Variants in RBFOX2 observed in about 807,000 individuals in gnomAD.
RBFOX2 encodes the protein RNA binding fox-1 homolog 2.
A neutral mutation model predicts 49.1 loss-of-function variants in RBFOX2; 10 were observed. The observed-to-expected ratio is 0.20, with a 90% CI of 0.13 to 0.35. RBFOX2 has a LOEUF of 0.35. RBFOX2 is among the 10% of genes least tolerant of loss of function. The pLI, the probability that RBFOX2 is intolerant of heterozygous loss-of-function variation, is 1.00. For missense variants in RBFOX2, 323 were observed against 486.9 expected, an observed-to-expected ratio of 0.66 and a Z score of 3.17; for synonymous variants, 183 against 187.4, an observed-to-expected ratio of 0.98 and a Z score of 0.19.
chr22:35,828,867 C>G (rs893076435), intron 1 of RBFOX2, among the ~76,000 whole-genome samples: 1 of 152,004 alleles, frequency 6.6e-6, no homozygotes, highest in African/African-American at 2.4e-5. Context: ...CTGGCTAACA[C>G]AGCGAAACCC....
intron 2 of RBFOX2, among the ~76,000 whole-genome samples, chr22:35,795,628 C>CAA (rs139555281): frequency 0.016 from 540 of 33,558 alleles, 20 homozygotes; most frequent in East Asian, 0.065. Flanking sequence ...TGTAGAAAAG[C>CAA]AAAAAAAAAA....
chr22:35,915,526 T>G (rs1001410956), intron 1 of RBFOX2, among the ~76,000 whole-genome samples: 17 of 152,334 alleles, frequency 1.1e-4, no homozygotes, highest in African/African-American at 3.4e-4. Flanking sequence ...CTGAGTACAC[T>G]ACAGGGACTC....
chr22:35,983,847 G>C (rs769309882), intron 1 of RBFOX2, among the ~76,000 whole-genome samples: 1 of 152,078 alleles, frequency 6.6e-6, no homozygotes, highest in East Asian at 1.9e-4. Flanking sequence ...AGCTAGAGTC[G>C]ATGAATAATT....
Position 35,989,828 on chromosome 22 carries a change from G to A in RBFOX2, c.186+38412C>T, listed in dbSNP as rs191564755. On this transcript the variant is annotated intron_variant, in intron 1 of 13. Coordinates refer to the RBFOX2 transcript ENST00000438146. ...GAAGGGAAGCAAAAGGAAAGGAAAT[G>A]TAGGACAATGAGGGATGTTTAAACA... Among the ~76,000 whole-genome samples the A allele has an allele frequency of 1.8e-3, 270 of 152,204 alleles. 1 individual carries two copies. Among genetic ancestry groups the A allele is most frequent in the African/African-American group, 5.9e-3 (244 of 41,534 alleles).
intron 2 of RBFOX2, among the ~76,000 whole-genome samples, chr22:35,804,811 G>A (rs910426462): frequency 6.6e-6 from 1 of 151,946 alleles, no homozygotes; most frequent in African/African-American, 2.4e-5. Flanking sequence ...GGACCTATAG[G>A]AAGACATGAA....
At chr22:35,915,404 C>A (rs2050299529) in intron 1 of RBFOX2, among the ~76,000 whole-genome samples, 1 of 152,170 alleles carries the variant, frequency 6.6e-6, no homozygotes, top group South Asian at 2.1e-4. Flanking sequence ...TCCTCAAAAT[C>A]TTATTACCCC....
chr22:36,028,157 T>TCC (rs1355012360), intron 1 of RBFOX2, 83 bp downstream of exon 1: 2 of 1,330,968 alleles, frequency 1.5e-6, no homozygotes, highest in East Asian at 6.3e-5. Flanking sequence ...CCGGAGGCCC[T>TCC]CCCTCTCTCC....
At chr22:35,924,056 C>T (rs2051334186) in intron 1 of RBFOX2, among the ~76,000 whole-genome samples, 1 of 152,116 alleles carries the variant, frequency 6.6e-6, no homozygotes. Context: ...AACTACATAG[C>T]CTTGGACAAT....
intron 1 of RBFOX2, among the ~76,000 whole-genome samples, chr22:35,977,123 C>T (rs1242354674): frequency 1.3e-5 from 2 of 151,828 alleles, no homozygotes; most frequent in African/African-American, 4.8e-5. Flanking sequence ...CAAATTGAAG[C>T]CACGAAGAGA....
chr22:35,908,917 A>G (rs549649896), intron 1 of RBFOX2, among the ~76,000 whole-genome samples: 1 of 149,750 alleles, frequency 6.7e-6, no homozygotes, highest in Admixed American at 6.7e-5. Flanking sequence ...ATCTCAGCTC[A>G]CTGCAACCTC....
chr22:35,754,024 C>G (rs1032529890), intron 9 of RBFOX2, among the ~76,000 whole-genome samples: 4 of 151,008 alleles, frequency 2.6e-5, no homozygotes, highest in South Asian at 2.1e-4. Context: ...TTCAAGTGAT[C>G]CCCCTGCCTC....
intron 9 of RBFOX2, among the ~76,000 whole-genome samples, chr22:35,757,791 C>CTAA (rs1282539592): frequency 6.6e-6 from 1 of 152,036 alleles, no homozygotes; most frequent in African/African-American, 2.4e-5. Flanking sequence ...CTCTCAGCTG[C>CTAA]ATTTTAAGGA....
chr22:35,804,865 C>A (rs1950418727), intron 2 of RBFOX2, among the ~76,000 whole-genome samples: 2 of 151,960 alleles, frequency 1.3e-5, no homozygotes, highest in Admixed American at 6.6e-5. Context: ...TGAATCCTGT[C>A]AAGAAACTGA....
chr22:35,858,985 A>G (rs186214581), intron 1 of RBFOX2, among the ~76,000 whole-genome samples: 1 of 152,336 alleles, frequency 6.6e-6, no homozygotes, highest in East Asian at 1.9e-4. Context: ...TTAGTCAGTC[A>G]ATATTCATTC....
intron 1 of RBFOX2, among the ~76,000 whole-genome samples, chr22:35,895,413 C>A (rs534479823): frequency 6.6e-6 from 1 of 152,182 alleles, no homozygotes; most frequent in Non-Finnish European, 1.5e-5. Context: ...GAGCCCCTTG[C>A]AGAAGCCAAG....
chr22:35,763,229 T>C (rs1282466357), intron 6 of RBFOX2, among the ~76,000 whole-genome samples: 1 of 152,214 alleles, frequency 6.6e-6, no homozygotes, highest in Non-Finnish European at 1.5e-5. Flanking sequence ...AACCTTTTTC[T>C]TTCCTACCAA....
intron 1 of RBFOX2, among the ~76,000 whole-genome samples, chr22:35,906,210 A>G (rs1321982170): frequency 2.6e-5 from 4 of 152,208 alleles, no homozygotes; most frequent in Non-Finnish European, 5.9e-5. Context: ...GAAAAGATCA[A>G]AGGAGGAATT....
upstream of RBFOX2, chr22:35,938,941 A>C: frequency 6.5e-7 from 1 of 1,536,566 alleles, no homozygotes; most frequent in Non-Finnish European, 9.0e-7. Context: ...AGATGAAAGA[A>C]AATGTTAGGC....
At chr22:35,751,418 A>AG (rs909340698) in intron 9 of RBFOX2, among the ~76,000 whole-genome samples, 1 of 151,972 alleles carries the variant, frequency 6.6e-6, no homozygotes, top group African/African-American at 2.4e-5. Context: ...GGATGGCGGC[A>AG]GGGGGTGGGT....
Sources: allele counts gnomAD v4.1 joint callset (sites outside exome capture counted in the v4.1 genomes callset), GRCh38; gene constraint gnomAD v4.1.1; transcripts MANE v1.5; gene names NCBI Gene and HGNC (gene_info 2026-07-23, HGNC 2026-07-21).